Variants in NBAS observed in about 807,000 individuals in gnomAD.
NBAS encodes the protein NAG/BC035112 fusion.
In NBAS, 219 loss-of-function variants were observed where a neutral mutation model predicts 302.5. The observed-to-expected ratio is 0.72, with a 90% CI of 0.65 to 0.81. The LOEUF is 0.81. Among genes scored for constraint, NBAS ranks in the 30% least tolerant of loss-of-function variants. The pLI is 0.00. For missense variants in NBAS, 2,932 were observed against 2,841.6 expected, an observed-to-expected ratio of 1.03 and a Z score of -0.72; for synonymous variants, 1,118 against 1,021.6, an observed-to-expected ratio of 1.09 and a Z score of -1.80.
At chr2:14,781,059 G>A in the NBAS span, among the ~76,000 whole-genome samples, 19 of 152,288 alleles carry the variant, frequency 1.2e-4, no homozygotes, top group African/African-American at 4.6e-4. Context: ...TGGTAATTTG[G>A]CATTATCCAT....
chr2:15,444,853 C>A (rs979429388), intron 21 of NBAS, among the ~76,000 whole-genome samples: 4 of 152,074 alleles, frequency 2.6e-5, no homozygotes, highest in African/African-American at 9.7e-5. Flanking sequence ...AGGATATGAA[C>A]AGACACTTCT....
chr2:15,458,267 T>C (rs1042510108), intron 21 of NBAS, among the ~76,000 whole-genome samples: 3 of 152,194 alleles, frequency 2.0e-5, no homozygotes, highest in Non-Finnish European at 4.4e-5. Flanking sequence ...GAAATCCTCC[T>C]AGAAGAGGTT....
At chr2:14,932,005 G>T in the NBAS span, among the ~76,000 whole-genome samples, 3 of 152,156 alleles carry the variant, frequency 2.0e-5, no homozygotes, top group African/African-American at 7.2e-5. Flanking sequence ...CAGTTTTGTA[G>T]AACATGAAGT....
chr2:15,546,141 G>A (rs1004060251), intron 6 of NBAS, among the ~76,000 whole-genome samples: 4 of 152,048 alleles, frequency 2.6e-5, no homozygotes, highest in Non-Finnish European at 5.9e-5. Context: ...ATCTTTAAGT[G>A]AAGAAATCAG....
At chr2:14,838,322 G>A in the NBAS span, among the ~76,000 whole-genome samples, 1 of 151,812 alleles carries the variant, frequency 6.6e-6, no homozygotes, top group East Asian at 1.9e-4. Context: ...ATCACTATGT[G>A]TTTCACTTGC....
intron 21 of NBAS, among the ~76,000 whole-genome samples, chr2:15,437,289 C>A (rs1051466632): frequency 6.6e-6 from 1 of 152,056 alleles, no homozygotes; most frequent in Non-Finnish European, 1.5e-5. Flanking sequence ...TTGAGACCAT[C>A]CTGGGTGACA....
the NBAS span, among the ~76,000 whole-genome samples, chr2:14,833,437 C>A: frequency 6.6e-6 from 1 of 152,098 alleles, no homozygotes; most frequent in South Asian, 2.1e-4. Flanking sequence ...TATTTCTCAT[C>A]TATAAAGTAT....
intron 42 of NBAS, among the ~76,000 whole-genome samples, chr2:15,280,814 A>G (rs1406996541): frequency 2.6e-5 from 4 of 152,200 alleles, no homozygotes. Flanking sequence ...CTGAGCAACA[A>G]GACAATCTAC....
At chr2:15,448,784 CAGGCTT>C (rs1457165313) in intron 21 of NBAS, among the ~76,000 whole-genome samples, 1 of 152,182 alleles carries the variant, frequency 6.6e-6, no homozygotes, top group Admixed American at 6.5e-5. Flanking sequence ...AATGCTTAAA[CAGGCTT>C]GCCTATATCA....
At chr2:14,796,240 G>A in the NBAS span, among the ~76,000 whole-genome samples, 1 of 152,192 alleles carries the variant, frequency 6.6e-6, no homozygotes. Flanking sequence ...CTTGGTTAGT[G>A]AAGCATTATA....
the NBAS span, among the ~76,000 whole-genome samples, chr2:15,151,917 G>A: frequency 2.8e-4 from 42 of 152,082 alleles, no homozygotes; most frequent in Non-Finnish European, 5.3e-4. Flanking sequence ...GCGCAATCTC[G>A]GCTCACTGCA....
chr2:15,403,921 TC>T (rs1249008083), intron 25 of NBAS, among the ~76,000 whole-genome samples: 1 of 144,800 alleles, frequency 6.9e-6, no homozygotes. Flanking sequence ...TTTTTTTTTT[TC>T]CAGATACAAG....
At chr2:15,560,258 T>A (rs1371349002) in intron 1 of NBAS, among the ~76,000 whole-genome samples, 2 of 151,770 alleles carry the variant, frequency 1.3e-5, no homozygotes, top group African/African-American at 2.4e-5. Flanking sequence ...ATAATAATAA[T>A]AAAAAATAAA....
intron 48 of NBAS, among the ~76,000 whole-genome samples, chr2:15,205,464 G>T (rs978746329): frequency 2.5e-5 from 3 of 122,412 alleles, no homozygotes; most frequent in Non-Finnish European, 4.8e-5. Flanking sequence ...AAGACATAGA[G>T]TGGTTGAATA....
At chr2:15,460,128 T>G (rs1679443665) in intron 21 of NBAS, among the ~76,000 whole-genome samples, 1 of 152,216 alleles carries the variant, frequency 6.6e-6, no homozygotes, top group African/African-American at 2.4e-5. Flanking sequence ...AATGATCCCC[T>G]AATTTGAATA....
chr2:15,550,591 C>CTTT (rs34088172), intron 6 of NBAS, among the ~76,000 whole-genome samples: 5 of 144,228 alleles, frequency 3.5e-5, no homozygotes, highest in African/African-American at 7.7e-5. Flanking sequence ...TCTGTCTTTT[C>CTTT]TTTTTTTTTT....
the NBAS span, among the ~76,000 whole-genome samples, chr2:14,933,240 T>G: frequency 6.6e-6 from 1 of 152,212 alleles, no homozygotes; most frequent in Admixed American, 6.5e-5. Context: ...TTCACCTTTC[T>G]TTTCCTAATC....
In NBAS at chr2:15,347,219, A is replaced by G. The variant is rs542783963; in HGVS notation, c.4179+4773T>C. ...CATATTCCTTGTGGAAATGTAAAAC[A>G]TGTGCAGACACTTTGGAAAACAAAA... On this transcript the variant is annotated intron_variant, in intron 35 of 51. Coordinates refer to ENST00000281513, the MANE Select transcript of NBAS (RefSeq NM_015909.4). Among the ~76,000 whole-genome samples, 176 of 152,340 alleles carry G rather than the reference A, an allele frequency of 1.2e-3. 1 individual carries two copies. The highest frequency in any genetic ancestry group is 2.0e-3 in the Non-Finnish European group (139 of 68,024).
intron 51 of NBAS, among the ~76,000 whole-genome samples, chr2:15,170,616 TTCTC>T (rs1252599855): frequency 6.6e-6 from 1 of 152,204 alleles, no homozygotes; most frequent in Non-Finnish European, 1.5e-5. Flanking sequence ...CTTATTTCCT[TTCTC>T]TGACATTCTA....
Sources: gnomAD v4.1 joint callset for allele counts (sites outside exome capture counted in the v4.1 genomes callset) on GRCh38, gnomAD v4.1.1 for gene constraint, MANE v1.5 for transcripts, NCBI Gene and HGNC (gene_info 2026-07-23, HGNC 2026-07-21) for gene names.